Variants in TNNI3K observed in about 807,000 individuals in gnomAD.
TNNI3K encodes the protein TNNI3 interacting kinase.
TNNI3K carries 140 observed loss-of-function variants against 114.5 expected under a neutral mutation model. The observed-to-expected ratio is 1.22, with a 90% CI of 1.07 to 1.41. The LOEUF (loss-of-function observed/expected upper bound fraction) is 1.41, where lower values mean the gene tolerates loss of function less well. Ranked by LOEUF, TNNI3K falls within the 40% of genes most tolerant of loss-of-function variation. TNNI3K has a pLI of 0.00. For missense variants in TNNI3K, 1,125 were observed against 1,007.6 expected, an observed-to-expected ratio of 1.12 and a Z score of -1.58; for synonymous variants, 347 against 347.5, an observed-to-expected ratio of 1.00 and a Z score of 0.02.
chr1:74,429,625 G>C (rs1324031665), intron 17 of TNNI3K, among the ~76,000 whole-genome samples: 1 of 152,102 alleles, frequency 6.6e-6, no homozygotes, highest in African/African-American at 2.4e-5. Context: ...AGAGAGTTCT[G>C]AGCCATCACA....
chr1:74,475,147 C>T (rs1668129945), intron 21 of TNNI3K: 2 of 548,162 alleles, frequency 3.6e-6, no homozygotes, highest in African/African-American at 1.9e-5. Context: ...CACACACACA[C>T]ACACACACAC....
At chr1:74,313,889 A>C (rs935751173) in intron 5 of TNNI3K, among the ~76,000 whole-genome samples, 27 of 152,112 alleles carry the variant, frequency 1.8e-4, no homozygotes, top group African/African-American at 6.0e-4. Context: ...TGAGAAAAAC[A>C]GAGATTAGGT....
chr1:74,511,230 T>C (rs1196166770), intron 23 of TNNI3K, among the ~76,000 whole-genome samples: 2 of 151,574 alleles, frequency 1.3e-5, no homozygotes, highest in Non-Finnish European at 1.5e-5. Context: ...TTCGCTCTTA[T>C]TGCCCAGGCT....
At chr1:74,247,646 G>A (rs919229228) in intron 2 of TNNI3K, among the ~76,000 whole-genome samples, 9 of 152,080 alleles carry the variant, frequency 5.9e-5, no homozygotes, top group African/African-American at 1.9e-4. Context: ...GCTGATTGGT[G>A]CATTTACAAT....
At chr1:74,366,776 A>C (rs575843226) in intron 11 of TNNI3K, 1 of 152,158 alleles carries the variant, frequency 6.6e-6, no homozygotes, top group South Asian at 2.1e-4. Flanking sequence ...GTCTCTAAAA[A>C]CCTATGTAAA....
chr1:74,382,913 A>T lies in TNNI3K; in HGVS notation c.1772+12521A>T, dbSNP rs546613802. On this transcript the variant is annotated intron_variant, in intron 17 of 24. Transcript: ENST00000326637. Reference sequence around the variant, plus strand: ...TCTATTCAGAGTTAAGGGTCTGGGGATCTTGAGTGACCTCTTTCTTTGGGA... The same window carrying T: ...TCTATTCAGAGTTAAGGGTCTGGGGTTCTTGAGTGACCTCTTTCTTTGGGA... 8.9e-4 allele frequency among the ~76,000 whole-genome samples: 136 copies of T among 152,128 alleles called. 1 individual carries two copies. The highest frequency in any genetic ancestry group is 3.1e-3 in the African/African-American group (130 of 41,516).
rs761994983 is a variant in TNNI3K at position 74,492,216 on chromosome 1, C to T, written c.2301C>T (p.Phe767=). 14 of 1,612,336 alleles carry T rather than the reference C, an allele frequency of 8.7e-6. No homozygotes were observed. The highest frequency in any genetic ancestry group is 3.3e-4 in the Middle Eastern group (2 of 6,080). The change falls in exon 23 of 25, where the codon TTC becomes TTT. Residue 767 remains phenylalanine (F), a synonymous_variant. Coordinates refer to ENST00000326637, the MANE Select transcript of TNNI3K (RefSeq NM_015978.3). ...ATGTGGCAGCATTAAGAAGTCGTTT[C>T]GAATTGGAATATGCTCTAAATGCAA... ...RSHVAALRSR[F]ELEYALNARS...
At chr1:74,438,509 A>G (rs531815368) in intron 19 of TNNI3K, among the ~76,000 whole-genome samples, 1 of 152,038 alleles carries the variant, frequency 6.6e-6, no homozygotes, top group African/African-American at 2.4e-5. Flanking sequence ...ATAAAGTGCA[A>G]TGAGGATTTA....
chr1:74,247,466 T>G (rs751744471), intron 2 of TNNI3K, among the ~76,000 whole-genome samples: 6 of 152,150 alleles, frequency 3.9e-5, no homozygotes, highest in Non-Finnish European at 8.8e-5. Context: ...TCCCACGGTA[T>G]GAAAGGGGAC....
intron 4 of TNNI3K, among the ~76,000 whole-genome samples, chr1:74,252,325 G>A (rs1654978746): frequency 6.6e-6 from 1 of 151,756 alleles, no homozygotes; most frequent in Non-Finnish European, 1.5e-5. Flanking sequence ...CTTTTTCATA[G>A]CAAGTTTAAA....
rs1303455505 is a variant in TNNI3K, at chr1:74,480,540, C to A, written c.2122-8649C>A. Reference sequence around the variant, plus strand: ...GGCAGGGGCCGGAAGGCATCTTTCCCAATGTAGGAAATAAAATTGTTGGAT... The same window carrying A: ...GGCAGGGGCCGGAAGGCATCTTTCCAAATGTAGGAAATAAAATTGTTGGAT... On this transcript the variant is annotated intron_variant, in intron 21 of 24. Coordinates refer to ENST00000326637, the MANE Select transcript of TNNI3K (RefSeq NM_015978.3). 9.8e-6 allele frequency: 7 copies of A among 717,386 alleles called. No homozygotes were observed. In the East Asian group the frequency reaches 1.9e-4, roughly 19 times the overall value. The allele number at this position is 717,386 out of a possible 1,614,324, so 44.4% of individuals were successfully genotyped here.
intron 21 of TNNI3K, chr1:74,470,760 GT>G (rs1223588669): frequency 2.5e-6 from 1 of 400,436 alleles, no homozygotes; most frequent in Non-Finnish European, 4.4e-6. Flanking sequence ...TTTGCTCTCT[GT>G]GTTGTAAGGC....
intron 17 of TNNI3K, among the ~76,000 whole-genome samples, chr1:74,427,573 A>C (rs1665697894): frequency 6.6e-6 from 1 of 152,034 alleles, no homozygotes; most frequent in Admixed American, 6.6e-5. Flanking sequence ...AAAAATTGCC[A>C]ATTTTGTTCC....
At chr1:74,398,340 G>C (rs74093529) in intron 17 of TNNI3K, among the ~76,000 whole-genome samples, 1 of 152,116 alleles carries the variant, frequency 6.6e-6, no homozygotes, top group Non-Finnish European at 1.5e-5. Context: ...TGTCCAAACT[G>C]CATAGGAGAA....
At chr1:74,511,173 C>A (rs981062654) in intron 23 of TNNI3K, among the ~76,000 whole-genome samples, 1 of 148,686 alleles carries the variant, frequency 6.7e-6, no homozygotes, top group Admixed American at 6.7e-5. Context: ...GGATTACAGG[C>A]GTGAGCTACC....
intron 21 of TNNI3K, among the ~76,000 whole-genome samples, chr1:74,477,038 G>A (rs1668240292): frequency 1.3e-5 from 2 of 151,950 alleles, no homozygotes; most frequent in South Asian, 4.1e-4. Context: ...ACATATTGAA[G>A]CAATCTCTAT....
chr1:74,311,606 A>G (rs1482777008), intron 5 of TNNI3K, among the ~76,000 whole-genome samples: 6 of 152,206 alleles, frequency 3.9e-5, no homozygotes, highest in African/African-American at 1.2e-4. Flanking sequence ...TCATGAAGGT[A>G]TCAAGAACAG....
chr1:74,407,854 A>G (rs966132975), intron 17 of TNNI3K, among the ~76,000 whole-genome samples: 1 of 152,150 alleles, frequency 6.6e-6, no homozygotes, highest in Non-Finnish European at 1.5e-5. Context: ...AGATAATAAT[A>G]TAAAACTTTA....
Position 74,353,251 on chromosome 1 carries a change from G to GT in TNNI3K, c.933-15_933-14insT. 6.2e-7 allele frequency: 1 copy of GT among 1,604,228 alleles called. No homozygotes were observed. The highest frequency in any genetic ancestry group is 1.1e-5 in the South Asian group (1 of 88,478). ...GGACCTTCTATCTTTCTTGTTTTAT[G>GT]GTTTTTTTTTTCAGTGCTTGTACCT... On this transcript the variant is annotated splice_polypyrimidine_tract_variant and intron_variant, in intron 9 of 24. Coordinates refer to ENST00000326637, the MANE Select transcript of TNNI3K (RefSeq NM_015978.3).
Sources: allele counts gnomAD v4.1 joint callset (sites outside exome capture counted in the v4.1 genomes callset), GRCh38; gene constraint gnomAD v4.1.1; transcripts MANE v1.5; gene names NCBI Gene and HGNC (gene_info 2026-07-23, HGNC 2026-07-21).